The following C1QTNF12 variants were observed in gnomAD, a reference collection of about 807,000 sequenced individuals.
C1QTNF12 encodes C1q and TNF related 12.
C1QTNF12 carries 39 observed loss-of-function variants against 34.3 expected under a neutral mutation model. The ratio of observed to expected loss-of-function variants is 1.14; its 90% CI spans 0.88 to 1.49. The LOEUF is 1.49. Ranked by LOEUF, C1QTNF12 falls within the 40% of genes most tolerant of loss-of-function variation. The probability of loss-of-function intolerance (pLI) is 0.00; values close to 1 mark genes in which losing one functional copy is unlikely to be tolerated. For missense variants in C1QTNF12, 497 were observed against 424.7 expected, an observed-to-expected ratio of 1.17 and a Z score of -1.50; for synonymous variants, 220 against 196.9, an observed-to-expected ratio of 1.12 and a Z score of -0.98.
Position 1,243,088 on chromosome 1 carries a change from A to C in C1QTNF12, c.705T>G (p.Cys235Trp). ...RARDVVCVLICIESLCQRHTC... is the reference protein window; with the variant it reads ...RARDVVCVLIWIESLCQRHTC... ...TGTGGCGCTGGCACAGGGACTCAAT[A>C]CAGATGAGAACACACACCACGTCCC... The change falls in exon 6 of 8, where the codon TGT becomes TGG. Residue 235 changes from cysteine to tryptophan, a missense_variant. By Grantham distance (215) the Cys-to-Trp change is radical (BLOSUM62 -2). Coordinates refer to ENST00000330388, the MANE Select transcript of C1QTNF12 (RefSeq NM_001014980.3). 4 of 1,588,324 alleles carry C rather than the reference A, an allele frequency of 2.5e-6. No individual in the cohort carries two copies. Among genetic ancestry groups the C allele is most frequent in the Non-Finnish European group, 3.4e-6 (4 of 1,168,326 alleles).
intron 1 of C1QTNF12, 51 bp from the exon 2 acceptor site, chr1:1,244,548 C>T: frequency 1.4e-6 from 2 of 1,399,774 alleles, no homozygotes; most frequent in Non-Finnish European, 2.0e-6. Context: ...CTGCAGAGAG[C>T]TGGGACCCCA....
chr1:1,244,632 G>A, intron 1 of C1QTNF12, 135 bp from the exon 2 acceptor site: 1 of 698,156 alleles, frequency 1.4e-6, no homozygotes, highest in Non-Finnish European at 2.5e-6. Context: ...GGCCGCCCTT[G>A]GGGGAGTCAG....
At chr1:1,245,887 G>A (rs1638880679) in intron 1 of C1QTNF12, among the ~76,000 whole-genome samples, 2 of 152,168 alleles carry the variant, frequency 1.3e-5, no homozygotes, top group South Asian at 2.1e-4. Flanking sequence ...GGCCCACGAC[G>A]GCGGCAGCAA....
At chr1:1,243,687 C>T in intron 4 of C1QTNF12, 135 bp from the exon 5 acceptor site, 1 of 837,154 alleles carries the variant, frequency 1.2e-6, no homozygotes, top group Non-Finnish European at 1.9e-6. Context: ...TCACTGTGGG[C>T]ACCAGCAGGA....
chr1:1,243,023 C>T (rs199863277), intron 6 of C1QTNF12, 39 bp downstream of exon 6: 232 of 1,556,198 alleles, frequency 1.5e-4, no homozygotes, highest in African/African-American at 4.1e-4. Context: ...AAGGGTGGTC[C>T]GGGGGCTGCC....
At chr1:1,247,013 G>A (rs561785376), upstream of C1QTNF12, among the ~76,000 whole-genome samples, 1 of 151,730 alleles carries the variant, frequency 6.6e-6, no homozygotes, top group South Asian at 2.1e-4. Context: ...TCAGCCAGCC[G>A]CCCGGGCGCC....
intron 4 of C1QTNF12, 47 bp from the exon 5 acceptor site, chr1:1,243,599 C>T (rs1475575921): frequency 5.5e-6 from 8 of 1,451,942 alleles, no homozygotes; most frequent in Non-Finnish European, 7.5e-6. Flanking sequence ...CTGGCCCCCA[C>T]CCCACAGACC....
At chr1:1,244,671 G>A (rs1638835449) in intron 1 of C1QTNF12, 174 bp from the exon 2 acceptor site, 1 of 607,386 alleles carries the variant, frequency 1.6e-6, no homozygotes, top group Non-Finnish European at 3.0e-6. Context: ...CCACCAGCAG[G>A]GCAGGCATGC....
Position 1,243,093 on chromosome 1 carries a change from T to C in C1QTNF12, c.700A>G (p.Ile234Val), listed in dbSNP as rs1329375599. Residue 234 changes from isoleucine to valine, a missense_variant, in exon 6 of 8, where the codon ATC becomes GTC. Physicochemically the swap from Ile to Val is conservative, Grantham distance 29. Coordinates refer to ENST00000330388, the MANE Select transcript of C1QTNF12 (RefSeq NM_001014980.3). ...CGCTGGCACAGGGACTCAATACAGA[T>C]GAGAACACACACCACGTCCCGGGCC... ...LRARDVVCVL[I>V]CIESLCQRHT... 1 of 1,588,738 alleles carries C rather than the reference T, an allele frequency of 6.3e-7. No individual in the cohort carries two copies. The highest frequency in any genetic ancestry group is 2.3e-5 in the East Asian group (1 of 43,444).
At position 1,244,104 on chromosome 1, in the gene C1QTNF12, C is replaced by T. The variant is rs1557534766; in HGVS notation, c.381G>A (p.Glu127=). 2 of 1,578,142 alleles carry T rather than the reference C, an allele frequency of 1.3e-6. No homozygotes were observed. The highest frequency in any genetic ancestry group is 1.3e-5 in the African/African-American group (1 of 74,112). Residue 127 remains glutamate, a splice_region_variant and synonymous_variant, in exon 4 of 8, where the codon GAG becomes GAA. Transcript: ENST00000330388. ...GCCCTGAGAACCGGCGCTCCGTGGC[C>T]TCTGTGGGGAGGAGGGCACAGGCGG... ...LLHEFQELLK[E]ATERRFSGLL... is the part of the protein sequence containing the mutation.
In C1QTNF12 at chr1:1,246,009, C is replaced by A. The variant is rs1448583189; in HGVS notation, c.177+505G>T. ...TGAGGACGCCCGGCCTGACTGGGGC[C>A]CCAGGACTTAACCCGCAAGAGGGGG... On this transcript the variant is annotated intron_variant, in intron 1 of 7. Coordinates refer to ENST00000330388, the MANE Select transcript of C1QTNF12 (RefSeq NM_001014980.3). The surrounding 1 kb of genome is among the most constrained non-coding windows in gnomAD (Gnocchi z 4.5). Among the ~76,000 whole-genome samples the A allele has an allele frequency of 6.6e-6, 1 of 152,094 alleles. No homozygotes were observed. Among genetic ancestry groups the A allele is most frequent in the East Asian group, 1.9e-4 (1 of 5,150 alleles).
rs1638892001 is a variant in C1QTNF12 at position 1,246,404 on chromosome 1, G to T, written c.177+110C>A. 1.0e-5 allele frequency: 10 copies of T among 994,768 alleles called. No homozygotes were observed. Among genetic ancestry groups the T allele is most frequent in the Non-Finnish European group, 1.3e-5 (10 of 773,210 alleles). 61.6% of individuals were successfully genotyped at this position (994,768 alleles called of 1,614,324 possible). On this transcript the variant is annotated intron_variant, in intron 1 of 7. Transcript: ENST00000330388. This position sits in a 1 kb window ranked among gnomAD's most constrained non-coding sequence, Gnocchi z 4.5. ...GGACCGTGGCCGAGGCCTCGAAAAGGGCGACCCGGAGGCAGAGCCGGCAGG... is the reference window on the plus strand; with the variant it reads ...GGACCGTGGCCGAGGCCTCGAAAAGTGCGACCCGGAGGCAGAGCCGGCAGG...
In C1QTNF12 at chr1:1,246,487, G is replaced by A. The variant is rs1638894297; in HGVS notation, c.177+27C>T. The A allele has an allele frequency of 2.4e-6, 3 of 1,230,110 alleles. No homozygotes were observed. Among genetic ancestry groups the A allele is most frequent in the Non-Finnish European group, 3.0e-6 (3 of 986,688 alleles). The allele number at this position is 1,230,110 out of a possible 1,614,324, so 76.2% of individuals were successfully genotyped here. Reference sequence around the variant, plus strand: ...CCCCAGCTCCGAAGCTGCCCCGCGAGGGCCCACGTGCGTCCCGGCCGCGTA... The same window carrying A: ...CCCCAGCTCCGAAGCTGCCCCGCGAAGGCCCACGTGCGTCCCGGCCGCGTA... On this transcript the variant is annotated intron_variant, in intron 1 of 7. Coordinates refer to ENST00000330388, the MANE Select transcript of C1QTNF12 (RefSeq NM_001014980.3). This position sits in a 1 kb window ranked among gnomAD's most constrained non-coding sequence, Gnocchi z 4.5.
Position 1,244,054 on chromosome 1 carries a change from CCCTGGGGCAGCAG to C in C1QTNF12, c.418_430del (p.Leu140GlyfsTer47). 6.3e-7 allele frequency: 1 copy of C among 1,599,692 alleles called. No individual in the cohort carries two copies. Among genetic ancestry groups the C allele is most frequent in the Non-Finnish European group, 8.5e-7 (1 of 1,173,794 alleles). ...CTCGCCCACCAGCCGCAGGCCCGCCCCCTGGGGCAGCAGCGGGTCCAGAAGCCCTGAGAACCGG... is the reference window on the plus strand; with the variant it reads ...CTCGCCCACCAGCCGCAGGCCCGCCCCGGGTCCAGAAGCCCTGAGAACCGG... On this transcript the variant is annotated frameshift_variant, in exon 4 of 8. Transcript: ENST00000330388. LOFTEE classifies it high-confidence loss of function.
intron 1 of C1QTNF12, 68 bp from the exon 2 acceptor site, chr1:1,244,565 CG>C (rs2101006964): frequency 8.1e-7 from 1 of 1,228,000 alleles, no homozygotes; most frequent in South Asian, 1.2e-5. Context: ...CCCAGGGCAG[CG>C]GGGAGCACTC....
At chr1:1,244,592 A>T (rs1383343907) in intron 1 of C1QTNF12, 95 bp from the exon 2 acceptor site, 2 of 984,108 alleles carry the variant, frequency 2.0e-6, no homozygotes, top group Non-Finnish European at 3.2e-6. Flanking sequence ...AGAACCAGGG[A>T]AGGCATCGCC....
Position 1,244,118 on chromosome 1 carries a change from G to A in C1QTNF12, c.380-13C>T, listed in dbSNP as rs763137109. 4.5e-4 allele frequency: 707 copies of A among 1,567,006 alleles called. 2 individuals are homozygous for A. The highest frequency in any genetic ancestry group is 5.7e-4 in the Non-Finnish European group (663 of 1,156,552). On this transcript the variant is annotated splice_polypyrimidine_tract_variant and intron_variant, in intron 3 of 7. Coordinates refer to ENST00000330388, the MANE Select transcript of C1QTNF12 (RefSeq NM_001014980.3). ...CGCTCCGTGGCCTCTGTGGGGAGGA[G>A]GGCACAGGCGGCCAGCAGGGTCAGC...
chr1:1,244,493 G>A lies in C1QTNF12; in HGVS notation c.182C>T (p.Ser61Phe), dbSNP rs762563919. 2.5e-6 allele frequency: 4 copies of A among 1,609,480 alleles called. No homozygotes were observed. The Admixed American group carries it at 5.0e-5, about 20-fold the overall frequency. Reference protein sequence around the residue: ...REGLPEAPKPSQASGPEFSDA... With the variant: ...REGLPEAPKPFQASGPEFSDA... The stretch of plus-strand genomic sequence containing the variant: ...GGAGAACTCAGGTCCTGAGGCCTGG[G>A]ATGGCTGAAGGGACGGGACGGGGCT... Residue 61 changes from serine (S) to phenylalanine (F), a missense_variant, in exon 2 of 8, where the codon TCC becomes TTC. Coordinates refer to ENST00000330388, the MANE Select transcript of C1QTNF12 (RefSeq NM_001014980.3).
At position 1,246,467 on chromosome 1, in the gene C1QTNF12, G is replaced by T; in HGVS notation, c.177+47C>A. On this transcript the variant is annotated intron_variant, in intron 1 of 7. Coordinates refer to ENST00000330388, the MANE Select transcript of C1QTNF12 (RefSeq NM_001014980.3). This position sits in a 1 kb window ranked among gnomAD's most constrained non-coding sequence, Gnocchi z 4.5. ...TGGGGGAGGACGCCCCAGAGCCCCAGCTCCGAAGCTGCCCCGCGAGGGCCC... is the reference window on the plus strand; with the variant it reads ...TGGGGGAGGACGCCCCAGAGCCCCATCTCCGAAGCTGCCCCGCGAGGGCCC... 1.6e-6 allele frequency: 2 copies of T among 1,225,642 alleles called. No homozygotes were observed. The highest frequency in any genetic ancestry group is 2.0e-6 in the Non-Finnish European group (2 of 982,820). 75.9% of individuals were successfully genotyped at this position (1,225,642 alleles called of 1,614,324 possible). A position where few individuals can be genotyped will look rare whatever the true frequency, so the allele number is the denominator to read the frequency against.
Sources: allele counts gnomAD v4.1 joint callset (sites outside exome capture counted in the v4.1 genomes callset), GRCh38; gene constraint gnomAD v4.1.1; non-coding constraint Gnocchi (gnomAD v3.1); transcripts MANE v1.5; gene names NCBI Gene and HGNC (gene_info 2026-07-23, HGNC 2026-07-21).